The following CLSTN2 variants were observed in gnomAD, a reference collection of about 807,000 sequenced individuals.
The protein encoded by CLSTN2 is calsyntenin-2.
A neutral mutation model predicts 101.2 loss-of-function variants in CLSTN2; 48 were observed. The ratio of observed to expected loss-of-function variants is 0.47; its 90% CI spans 0.38 to 0.60. CLSTN2 has a LOEUF of 0.60. Ranked by LOEUF, CLSTN2 falls within the 20% of genes least tolerant of loss-of-function variation. CLSTN2 has a pLI of 0.00. For synonymous variants in CLSTN2, 481 were observed against 463.6 expected (o/e 1.04, Z -0.48); for missense variants, 1,160 against 1,238.2 (o/e 0.94, Z 0.95).
Position 140,297,772 on chromosome 3 carries a change from C to T in CLSTN2, c.233-105857C>T, listed in dbSNP as rs2087018297. On this transcript the variant is annotated intron_variant, in intron 2 of 16. Coordinates refer to ENST00000458420, the MANE Select transcript of CLSTN2 (RefSeq NM_022131.3). ...GGCTCAGGGAAGCTATGTGACTCTACACAAATGACATTTTCCTTAGCCTAT... is the reference window on the plus strand; with the variant it reads ...GGCTCAGGGAAGCTATGTGACTCTATACAAATGACATTTTCCTTAGCCTAT... Among the ~76,000 whole-genome samples the T allele has an allele frequency of 2.6e-5, 4 of 152,230 alleles. No homozygotes were observed. The South Asian group carries it at 6.2e-4, about 24-fold the overall frequency.
At chr3:140,094,882 C>A (rs534134177) in intron 1 of CLSTN2, among the ~76,000 whole-genome samples, 4 of 152,186 alleles carry the variant, frequency 2.6e-5, no homozygotes, top group Non-Finnish European at 5.9e-5. Flanking sequence ...ACTGACTTTC[C>A]GTAAATTACG....
At chr3:140,331,733 T>C (rs1270369934) in intron 2 of CLSTN2, among the ~76,000 whole-genome samples, 1 of 152,202 alleles carries the variant, frequency 6.6e-6, no homozygotes, top group Admixed American at 6.5e-5. Context: ...AGTTAGTCTC[T>C]CTTCCACATC....
intron 2 of CLSTN2, among the ~76,000 whole-genome samples, chr3:140,202,947 A>G (rs1253259458): frequency 6.6e-6 from 1 of 152,108 alleles, no homozygotes; most frequent in Non-Finnish European, 1.5e-5. Flanking sequence ...GAAGTGATCT[A>G]TGCCCCCTCC....
chr3:140,377,533 C>CCTAGG (rs895089272), intron 2 of CLSTN2, among the ~76,000 whole-genome samples: 36 of 151,878 alleles, frequency 2.4e-4, no homozygotes, highest in African/African-American at 8.7e-4. Flanking sequence ...CCTGTGTAGG[C>CCTAGG]CTAGGCTAAT....
chr3:140,082,443 T>C (rs1395265077), intron 1 of CLSTN2, among the ~76,000 whole-genome samples: 1 of 152,180 alleles, frequency 6.6e-6, no homozygotes, highest in African/African-American at 2.4e-5. Flanking sequence ...CCAACAAGGT[T>C]GGCAAATGCA....
Position 140,387,471 on chromosome 3 carries a change from C to T in CLSTN2, c.233-16158C>T, listed in dbSNP as rs558848130. On this transcript the variant is annotated intron_variant, in intron 2 of 16. Transcript: ENST00000458420. ...TTCTGCTTCCACAGGTTCCTATTTGCGATAAATTGCAAAAGCCTGCTTGTT... is the reference window on the plus strand; with the variant it reads ...TTCTGCTTCCACAGGTTCCTATTTGTGATAAATTGCAAAAGCCTGCTTGTT... 7.9e-5 allele frequency among the ~76,000 whole-genome samples: 12 copies of T among 152,272 alleles called. No individual in the cohort carries two copies. In the South Asian group the frequency reaches 1.0e-3, roughly 13 times the overall value.
intron 2 of CLSTN2, among the ~76,000 whole-genome samples, chr3:140,337,882 G>A (rs1487134826): frequency 2.0e-5 from 3 of 152,142 alleles, no homozygotes; most frequent in Non-Finnish European, 4.4e-5. Flanking sequence ...TGTATTAACT[G>A]ATTTAACCCT....
chr3:140,206,606 A>G (rs925898850), intron 2 of CLSTN2, among the ~76,000 whole-genome samples: 1 of 152,088 alleles, frequency 6.6e-6, no homozygotes, highest in African/African-American at 2.4e-5. Context: ...CCCCAAAGCA[A>G]CTCTTTAGGG....
chr3:140,354,138 T>G (rs1002915647), intron 2 of CLSTN2, among the ~76,000 whole-genome samples: 2 of 152,160 alleles, frequency 1.3e-5, no homozygotes, highest in Non-Finnish European at 1.5e-5. Flanking sequence ...ATGGAGGATG[T>G]AAGGCCAGAC....
intron 2 of CLSTN2, among the ~76,000 whole-genome samples, chr3:140,244,500 C>T (rs576235472): frequency 2.0e-5 from 3 of 152,290 alleles, no homozygotes; most frequent in East Asian, 3.9e-4. Context: ...ACACACACCA[C>T]GCTCATGCAC....
intron 2 of CLSTN2, among the ~76,000 whole-genome samples, chr3:140,297,229 C>T (rs765755213): frequency 2.6e-5 from 4 of 152,152 alleles, no homozygotes; most frequent in East Asian, 1.9e-4. Flanking sequence ...AACTGCTCTC[C>T]GCATCAACTC....
chr3:140,407,118 G>A (rs1272122436), intron 4 of CLSTN2, among the ~76,000 whole-genome samples: 1 of 152,184 alleles, frequency 6.6e-6, no homozygotes, highest in Non-Finnish European at 1.5e-5. Context: ...AATGAAGCAG[G>A]ACCTAGGGGC....
rs557318115 is a variant in CLSTN2 at position 139,956,770 on chromosome 3, C to T, written c.109+21287C>T. Among the ~76,000 whole-genome samples, 31 of 152,186 alleles carry T rather than the reference C, an allele frequency of 2.0e-4. No homozygotes were observed. In the South Asian group the frequency reaches 4.6e-3, roughly 22 times the overall value. On this transcript the variant is annotated intron_variant, in intron 1 of 16. Transcript: ENST00000458420. ...ATTGTCATTCACCAGTAATAGGATT[C>T]CCTGAAAAGCAAAAATATCTTAATT...
chr3:140,389,382 T>C (rs2088087734), intron 2 of CLSTN2, among the ~76,000 whole-genome samples: 1 of 152,194 alleles, frequency 6.6e-6, no homozygotes, highest in African/African-American at 2.4e-5. Flanking sequence ...AGTGAGAACA[T>C]ATGGTGTTTG....
chr3:140,475,487 T>C (rs1933963141), intron 8 of CLSTN2, among the ~76,000 whole-genome samples: 1 of 152,246 alleles, frequency 6.6e-6, no homozygotes. Context: ...TTGGATTTTC[T>C]TTATTTTTCT....
chr3:140,286,207 T>C (rs1295053060), intron 2 of CLSTN2, among the ~76,000 whole-genome samples: 1 of 152,120 alleles, frequency 6.6e-6, no homozygotes, highest in Non-Finnish European at 1.5e-5. Flanking sequence ...GCCACCCCAA[T>C]AGCCTGTGGA....
intron 1 of CLSTN2, among the ~76,000 whole-genome samples, chr3:139,953,280 AT>A (rs1377889967): frequency 1.3e-5 from 2 of 152,156 alleles, no homozygotes; most frequent in Non-Finnish European, 2.9e-5. Context: ...CCCCTACAGG[AT>A]TGAGAAACTA....
chr3:140,295,641 G>A (rs936136107), intron 2 of CLSTN2, among the ~76,000 whole-genome samples: 1 of 151,984 alleles, frequency 6.6e-6, no homozygotes, highest in African/African-American at 2.4e-5. Flanking sequence ...TTTAAAATAT[G>A]CAAATATGTA....
rs35206840 is a variant in CLSTN2, at chr3:140,190,438, CAAAAAA to C, written c.232+14384_232+14389del. On this transcript the variant is annotated intron_variant, in intron 2 of 16. Transcript: ENST00000458420. ...TTTAGGATAACCTCATCTATAGCTA[CAAAAAA>C]AAAAAAAAAAAAAAAAAATCCTGCA... is the stretch of plus-strand genomic sequence containing the variant. 5.5e-4 allele frequency among the ~76,000 whole-genome samples: 46 copies of C among 82,944 alleles called. 1 individual carries two copies. The highest frequency in any genetic ancestry group is 1.7e-3 in the African/African-American group (43 of 25,236). The allele number at this position is 82,944 out of a possible 152,430, so 54.4% of individuals were successfully genotyped here. A position where few individuals can be genotyped will look rare whatever the true frequency, so the allele number is the denominator to read the frequency against.
Sources: allele counts gnomAD v4.1 joint callset (sites outside exome capture counted in the v4.1 genomes callset), GRCh38; gene constraint gnomAD v4.1.1; transcripts MANE v1.5; gene names NCBI Gene and HGNC (gene_info 2026-07-23, HGNC 2026-07-21).